The following TTLL11 variants were observed in gnomAD, a reference collection of about 807,000 sequenced individuals.
TTLL11 encodes the protein tubulin tyrosine ligase like 11.
Under a neutral mutation model 51.7 loss-of-function variants are expected in TTLL11, and 42 were observed. The observed-to-expected ratio is 0.81, with a 90% confidence interval of 0.64 to 1.05. The LOEUF is 1.05. Among genes scored for constraint, TTLL11 ranks in the 50% least tolerant of loss-of-function variants. The pLI is 0.00. For synonymous variants in TTLL11, 381 were observed against 383.5 expected (o/e 0.99, Z 0.08); for missense variants, 799 against 940.4 (o/e 0.85, Z 1.97).
intron 4 of TTLL11, among the ~76,000 whole-genome samples, chr9:121,975,607 AAGGCTGAAGC>A (rs1361244455): frequency 6.6e-6 from 1 of 152,164 alleles, no homozygotes; most frequent in African/African-American, 2.4e-5. Flanking sequence ...AGCTACATGG[AAGGCTGAAGC>A]AGGATAATTG....
At chr9:121,932,317 G>A (rs188846057) in intron 6 of TTLL11, among the ~76,000 whole-genome samples, 24 of 152,046 alleles carry the variant, frequency 1.6e-4, no homozygotes, top group Non-Finnish European at 2.4e-4. Context: ...TAAATATTTC[G>A]TTTCTAAGAA....
At chr9:122,006,520 C>G (rs1843650297) in intron 3 of TTLL11, among the ~76,000 whole-genome samples, 1 of 152,062 alleles carries the variant, frequency 6.6e-6, no homozygotes, top group South Asian at 2.1e-4. Context: ...CAAAATGTTA[C>G]ATATGAAGAA....
chr9:121,937,580 TC>T (rs1841284970), intron 6 of TTLL11, among the ~76,000 whole-genome samples: 2 of 128,282 alleles, frequency 1.6e-5, no homozygotes, highest in East Asian at 5.4e-4. Flanking sequence ...CCCCCACCCT[TC>T]TCTATTGGCA....
chr9:122,091,211 A>G lies in TTLL11; in HGVS notation c.462+1476T>C, dbSNP rs113193833. On this transcript the variant is annotated intron_variant, in intron 1 of 8. Coordinates refer to ENST00000321582, the MANE Select transcript of TTLL11 (RefSeq NM_001139442.2). ...CTAAGTGGAGGCCCCACTTGGGCCA[A>G]TCTGCCTAGCCTGACTCCATAGCCT... Among the ~76,000 whole-genome samples the G allele has an allele frequency of 1.9e-4, 29 of 152,306 alleles. 1 individual carries two copies. Among genetic ancestry groups the G allele is most frequent in the Middle Eastern group, 3.4e-3 (1 of 294 alleles).
chr9:122,030,214 G>GGA (rs1554785423), intron 3 of TTLL11, among the ~76,000 whole-genome samples: 1 of 126,376 alleles, frequency 7.9e-6, no homozygotes, highest in African/African-American at 2.9e-5. Flanking sequence ...GGGGGGGGGG[G>GGA]GTAATTATGA....
intron 1 of TTLL11, among the ~76,000 whole-genome samples, chr9:122,049,009 GAAA>G (rs760469977): frequency 7.2e-6 from 1 of 138,096 alleles, no homozygotes; most frequent in Non-Finnish European, 1.6e-5. Context: ...ATTCGTGCCA[GAAA>G]AAAAAAAAAA....
chr9:121,899,250 C>T (rs961714915), intron 6 of TTLL11, among the ~76,000 whole-genome samples: 15 of 152,002 alleles, frequency 9.9e-5, no homozygotes, highest in African/African-American at 2.9e-4. Context: ...TACTCAACAC[C>T]GCCTTCTCAA....
intron 6 of TTLL11, among the ~76,000 whole-genome samples, chr9:121,880,172 G>A (rs896360646): frequency 6.6e-6 from 1 of 152,088 alleles, no homozygotes; most frequent in South Asian, 2.1e-4. Context: ...CTGCCTTTCC[G>A]TAGATGAATT....
chr9:122,006,579 A>G (rs903586466), intron 3 of TTLL11, among the ~76,000 whole-genome samples: 4 of 152,200 alleles, frequency 2.6e-5, no homozygotes, highest in African/African-American at 7.2e-5. Context: ...CACTTTTCTT[A>G]TATCTAAACT....
intron 8 of TTLL11, among the ~76,000 whole-genome samples, chr9:121,856,645 T>C (rs1837829515): frequency 6.6e-6 from 1 of 152,222 alleles, no homozygotes; most frequent in Admixed American, 6.5e-5. Flanking sequence ...GTTAGTTGAA[T>C]GGATGAATGA....
intron 8 of TTLL11, among the ~76,000 whole-genome samples, chr9:121,823,501 G>A (rs1303617861): frequency 1.3e-5 from 2 of 152,166 alleles, no homozygotes; most frequent in African/African-American, 2.4e-5. Flanking sequence ...AGCTGAGATC[G>A]TGTCACTGTA....
chr9:121,855,611 G>T lies in TTLL11; in HGVS notation c.1840+4726C>A, dbSNP rs191435459. ...AGCACTTTGACACAGCAGGCACTGG[G>T]TATGGGTGATGATCCAGTCCAAATG... On this transcript the variant is annotated intron_variant, in intron 8 of 8. Transcript: ENST00000321582. 2.7e-4 allele frequency among the ~76,000 whole-genome samples: 41 copies of T among 152,302 alleles called. No individual in the cohort carries two copies. The East Asian group carries it at 6.2e-3, about 23-fold the overall frequency.
intron 6 of TTLL11, among the ~76,000 whole-genome samples, chr9:121,891,707 C>G (rs1178188369): frequency 6.6e-6 from 1 of 152,066 alleles, no homozygotes; most frequent in East Asian, 1.9e-4. Context: ...CTGTGCTGAT[C>G]CCTCATTTTA....
chr9:121,986,814 C>T (rs1452504551), intron 4 of TTLL11, among the ~76,000 whole-genome samples: 1 of 152,006 alleles, frequency 6.6e-6, no homozygotes, highest in Non-Finnish European at 1.5e-5. Context: ...CTGCCCCACT[C>T]CCTCCGTTCT....
In TTLL11 at chr9:121,822,610, G is replaced by A. The variant is rs1252508537; in HGVS notation, c.2110C>T (p.His704Tyr). The A allele has an allele frequency of 1.2e-5, 18 of 1,478,380 alleles. No homozygotes were observed. Among genetic ancestry groups the A allele is most frequent in the Middle Eastern group, 2.5e-4 (1 of 4,062 alleles). 91.6% of individuals were successfully genotyped at this position (1,478,380 alleles called of 1,614,324 possible). A position where few individuals can be genotyped will look rare whatever the true frequency, so the allele number is the denominator to read the frequency against. The change falls in exon 9 of 9, where the codon CAT (histidine) becomes TAT (tyrosine). Residue 704 changes from histidine (H) to tyrosine (Y), a missense_variant. His to Tyr is a moderately conservative substitution (Grantham distance 83). This residue lies in a region of TTLL11 where 165 missense variants were observed against 166.1 expected (regional missense o/e 0.99). Coordinates refer to ENST00000321582, the MANE Select transcript of TTLL11 (RefSeq NM_001139442.2). This position sits in a 1 kb window ranked among gnomAD's most constrained non-coding sequence, Gnocchi z 5.8. ...PRTSCANKLS[H>Y]PRHTLS Reference sequence around the variant, plus strand: ...CCTCAGGACAGGGTATGTCTGGGATGGGAGAGCTTATTGGCACAGCTGGTG... The same window carrying A: ...CCTCAGGACAGGGTATGTCTGGGATAGGAGAGCTTATTGGCACAGCTGGTG...
intron 6 of TTLL11, among the ~76,000 whole-genome samples, chr9:121,936,086 G>T (rs1841203148): frequency 6.6e-6 from 1 of 152,196 alleles, no homozygotes; most frequent in Admixed American, 6.5e-5. Context: ...AACTCAGTTA[G>T]ATCTCCCTGC....
At chr9:121,910,980 C>T (rs550209357) in intron 6 of TTLL11, among the ~76,000 whole-genome samples, 72 of 152,192 alleles carry the variant, frequency 4.7e-4, no homozygotes, top group Non-Finnish European at 8.1e-4. Flanking sequence ...GGTTTTTCAA[C>T]ATTGGTAAAG....
rs143243352 is a variant in TTLL11 at position 121,890,322 on chromosome 9, C to T, written c.1482-19574G>A. Among the ~76,000 whole-genome samples the T allele has an allele frequency of 2.2e-4, 34 of 152,314 alleles. 1 individual carries two copies. Among genetic ancestry groups the T allele is most frequent in the African/African-American group, 7.9e-4 (33 of 41,566 alleles). On this transcript the variant is annotated intron_variant, in intron 6 of 8. Coordinates refer to ENST00000321582, the MANE Select transcript of TTLL11 (RefSeq NM_001139442.2). The surrounding 1 kb of genome is among the most constrained non-coding windows in gnomAD (Gnocchi z 4.3). ...TCACTGCAGTTCACACACATCTCTG[C>T]CATCACTTGTCAGCTCATCATGGGT... is the stretch of plus-strand genomic sequence containing the variant.
chr9:122,060,267 T>C (rs1052920503), intron 1 of TTLL11, among the ~76,000 whole-genome samples: 1 of 152,240 alleles, frequency 6.6e-6, no homozygotes, highest in South Asian at 2.1e-4. Context: ...TTCCTGAGGC[T>C]AGACTAGATG....
Sources: allele counts gnomAD v4.1 joint callset (sites outside exome capture counted in the v4.1 genomes callset), GRCh38; gene constraint gnomAD v4.1.1; regional missense constraint gnomAD v4.1.1; non-coding constraint Gnocchi (gnomAD v3.1); transcripts MANE v1.5; gene names NCBI Gene and HGNC (gene_info 2026-07-23, HGNC 2026-07-21).